Variants in CAAP1 observed in about 807,000 individuals in gnomAD.
CAAP1 encodes conserved anti-apoptotic protein.
A neutral mutation model predicts 34.0 loss-of-function variants in CAAP1; 20 were observed. The observed-to-expected ratio is 0.59, with a 90% confidence interval of 0.41 to 0.86. The LOEUF is 0.86. CAAP1 is among the 40% of genes least tolerant of loss of function. The pLI is 0.00. For synonymous variants in CAAP1, 213 were observed against 166.7 expected (o/e 1.28, Z -2.14); for missense variants, 538 against 450.5 (o/e 1.19, Z -1.76).
chr9:26,847,030 GTTAATAAC>G (rs1368896984), intron 5 of CAAP1, among the ~76,000 whole-genome samples: 2 of 151,276 alleles, frequency 1.3e-5, no homozygotes, highest in African/African-American at 4.9e-5. Context: ...AGTAATCACT[GTTAATAAC>G]TTATTTATTT....
In CAAP1 at chr9:26,868,733, T is replaced by A. The variant is rs545396913; in HGVS notation, c.666-7594A>T. Among the ~76,000 whole-genome samples, 229 of 152,256 alleles carry A rather than the reference T, an allele frequency of 1.5e-3. 2 individuals are homozygous for A. The highest frequency in any genetic ancestry group is 5.4e-3 in the African/African-American group (224 of 41,524). On this transcript the variant is annotated intron_variant, in intron 4 of 5. Transcript: ENST00000333916. ...GATACAATCAGATAAAGCCAACAGG[T>A]GTACAGGACAACTTACCTACTTTCT...
chr9:26,892,431 G>A lies in CAAP1; in HGVS notation c.285C>T (p.Val95=), dbSNP rs1166361605. Residue 95 remains valine (V), a synonymous_variant, in exon 1 of 6, where the codon GTC becomes GTT. Transcript: ENST00000333916. The part of the protein sequence containing the change: ...RKRRSTDSSS[V]SGSLQQETKY... The stretch of plus-strand genomic sequence containing the variant: ...CACGCACCTGCTGCAAGGAGCCCGA[G>A]ACGCTGGAAGAGTCGGTACTCCTCC... 5 of 1,602,938 alleles carry A rather than the reference G, an allele frequency of 3.1e-6. No individual in the cohort carries two copies. Among genetic ancestry groups the A allele is most frequent in the South Asian group, 1.1e-5 (1 of 89,854 alleles).
chr9:26,890,214 T>TG (rs1823865637), intron 1 of CAAP1, among the ~76,000 whole-genome samples: 1 of 151,576 alleles, frequency 6.6e-6, no homozygotes, highest in Non-Finnish European at 1.5e-5. Flanking sequence ...CTATTAAAAA[T>TG]ACAAAAATTA....
At chr9:26,852,854 G>C (rs1363425643) in intron 5 of CAAP1, among the ~76,000 whole-genome samples, 1 of 152,124 alleles carries the variant, frequency 6.6e-6, no homozygotes, top group African/African-American at 2.4e-5. Flanking sequence ...ATTTGATCAG[G>C]AATCTAAATG....
At chr9:26,891,747 GGAGT>G (rs1337197129) in intron 1 of CAAP1, among the ~76,000 whole-genome samples, 1 of 152,196 alleles carries the variant, frequency 6.6e-6, no homozygotes, top group African/African-American at 2.4e-5. Context: ...TATCTCACGA[GGAGT>G]GATTAAAAGA....
intron 5 of CAAP1, among the ~76,000 whole-genome samples, chr9:26,843,295 C>T (rs1380126894): frequency 6.6e-6 from 1 of 152,112 alleles, no homozygotes; most frequent in Admixed American, 6.6e-5. Context: ...TGTTATAAAA[C>T]TTCTATAACT....
rs34601727 is a variant in CAAP1, at chr9:26,874,206, C to CAA, written c.665+10602_665+10603dup. 9.9e-3 allele frequency among the ~76,000 whole-genome samples: 525 copies of CAA among 52,810 alleles called. 8 individuals carry two copies. Among genetic ancestry groups the CAA allele is most frequent in the African/African-American group, 0.026 (360 of 13,714 alleles). 34.6% of individuals were successfully genotyped at this position (52,810 alleles called of 152,430 possible). A position where few individuals can be genotyped will look rare whatever the true frequency, so the allele number is the denominator to read the frequency against. ...TGGGCAACAAAGTGAGACTCTGTCT[C>CAA]AAAAAAAAAAAAAAAAAAAAAAAAA... On this transcript the variant is annotated intron_variant, in intron 4 of 5. Transcript: ENST00000333916.
Position 26,892,575 on chromosome 9 carries a change from C to A in CAAP1, c.141G>T (p.Gly47=). 6.3e-7 allele frequency: 1 copy of A among 1,594,390 alleles called. No homozygotes were observed. The highest frequency in any genetic ancestry group is 2.3e-5 in the East Asian group (1 of 43,904). Residue 47 remains glycine, a synonymous_variant, in exon 1 of 6, where the codon GGG becomes GGT. Transcript: ENST00000333916. ...SGSTSGCGSA[G]GCGSVSCCGN... ...CACAGCAGCTGACGCTCCCGCAGCC[C>A]CCGGCGCTCCCGCAGCCGCTAGTGC...
In CAAP1 at chr9:26,883,004, T is replaced by C. The variant is rs142596623; in HGVS notation, c.665+1806A>G. 1.1e-3 allele frequency among the ~76,000 whole-genome samples: 174 copies of C among 152,286 alleles called. 1 individual carries two copies. The highest frequency in any genetic ancestry group is 3.1e-4 in the Non-Finnish European group (21 of 68,008). ...ATCCAATGCCTGTATCCCCATTATA[T>C]CTAGGAAGTAACTAACTTGCTTTTG... is the stretch of plus-strand genomic sequence containing the variant. On this transcript the variant is annotated intron_variant, in intron 4 of 5. Coordinates refer to ENST00000333916, the MANE Select transcript of CAAP1 (RefSeq NM_024828.4).
At chr9:26,875,470 A>G (rs1823406573) in intron 4 of CAAP1, among the ~76,000 whole-genome samples, 1 of 152,356 alleles carries the variant, frequency 6.6e-6, no homozygotes, top group South Asian at 2.1e-4. Flanking sequence ...GCCTACTAAA[A>G]GAAAACATCA....
intron 1 of CAAP1, 34 bp from the exon 2 acceptor site, chr9:26,887,547 T>G: frequency 7.8e-7 from 1 of 1,279,204 alleles, no homozygotes; most frequent in Non-Finnish European, 1.1e-6. Flanking sequence ...CATTAAACAA[T>G]ACTACTTAAA....
At chr9:26,844,816 T>C (rs1007790838) in intron 5 of CAAP1, among the ~76,000 whole-genome samples, 6 of 152,250 alleles carry the variant, frequency 3.9e-5, no homozygotes, top group African/African-American at 1.2e-4. Flanking sequence ...GTCTGTAATC[T>C]AGTTTTTTTC....
intron 4 of CAAP1, among the ~76,000 whole-genome samples, chr9:26,883,648 A>C (rs542480282): frequency 7.3e-4 from 111 of 152,340 alleles, no homozygotes; most frequent in African/African-American, 2.5e-3. Context: ...ATAATCAAGC[A>C]AAAGCTCAAT....
chr9:26,844,603 G>A (rs186244639), intron 5 of CAAP1, among the ~76,000 whole-genome samples: 3 of 152,288 alleles, frequency 2.0e-5, no homozygotes, highest in Non-Finnish European at 4.4e-5. Context: ...AGAGGTAAAC[G>A]GTAGTTGATT....
At chr9:26,859,930 C>T (rs890059588) in intron 5 of CAAP1, among the ~76,000 whole-genome samples, 6 of 152,134 alleles carry the variant, frequency 3.9e-5, no homozygotes, top group Admixed American at 6.5e-5. Context: ...TCACTAAATT[C>T]GCTGTCTAAC....
At chr9:26,857,701 T>C (rs1297984836) in intron 5 of CAAP1, among the ~76,000 whole-genome samples, 5 of 152,208 alleles carry the variant, frequency 3.3e-5, no homozygotes, top group African/African-American at 1.2e-4. Context: ...GTACCAATCA[T>C]TGAACCAATA....
intron 2 of CAAP1, 60 bp downstream of exon 2, chr9:26,887,253 A>G (rs528716166): frequency 8.9e-7 from 1 of 1,119,794 alleles, no homozygotes; most frequent in African/African-American, 1.6e-5. Flanking sequence ...AAAACAAAAA[A>G]TTGCTACAAA....
chr9:26,864,802 A>G (rs1056424256), intron 4 of CAAP1, among the ~76,000 whole-genome samples: 1 of 152,234 alleles, frequency 6.6e-6, no homozygotes, highest in Non-Finnish European at 1.5e-5. Context: ...AAAGGTGCAA[A>G]CATGCAGGTT....
chr9:26,852,062 A>T (rs75671435), intron 5 of CAAP1, among the ~76,000 whole-genome samples: 7,828 of 152,090 alleles, frequency 0.051, 268 homozygotes, highest in Middle Eastern at 0.14. Context: ...TTTTTAAATT[A>T]AATTTAATTT....
Sources: allele counts gnomAD v4.1 joint callset (sites outside exome capture counted in the v4.1 genomes callset), GRCh38; gene constraint gnomAD v4.1.1; transcripts MANE v1.5; gene names NCBI Gene and HGNC (gene_info 2026-07-23, HGNC 2026-07-21).